The following LDHAL6A variants were observed in gnomAD, a reference collection of about 807,000 sequenced individuals.
The protein encoded by LDHAL6A is L-lactate dehydrogenase A-like 6A.
LDHAL6A carries 19 observed loss-of-function variants against 28.2 expected under a neutral mutation model. That is an observed-to-expected ratio of 0.67 (90% CI 0.47 to 0.99). The LOEUF is 0.99. Among genes scored for constraint, LDHAL6A ranks in the 50% least tolerant of loss-of-function variants. The pLI, the probability that LDHAL6A is intolerant of heterozygous loss-of-function variation, is 0.00. For synonymous variants in LDHAL6A, 144 were observed against 134.4 expected (o/e 1.07, Z -0.49); for missense variants, 372 against 398.6 (o/e 0.93, Z 0.57).
intron 3 of LDHAL6A, among the ~76,000 whole-genome samples, chr11:18,470,351 G>C (rs183210500): frequency 6.6e-6 from 1 of 152,294 alleles, no homozygotes; most frequent in Non-Finnish European, 1.5e-5. Context: ...TGCAGCTCCC[G>C]TGTCTCCACA....
At chr11:18,477,323 G>A (rs1009632484) in intron 5 of LDHAL6A, among the ~76,000 whole-genome samples, 7 of 152,102 alleles carry the variant, frequency 4.6e-5, no homozygotes, top group Admixed American at 3.3e-4. Context: ...GCCACGCATG[G>A]TGGCGCATGC....
intron 1 of LDHAL6A, 23 bp downstream of exon 1, chr11:18,456,829 C>G: frequency 6.2e-7 from 1 of 1,604,550 alleles, no homozygotes; most frequent in East Asian, 2.2e-5. Flanking sequence ...CTCTGCACCA[C>G]AGGGTTCACC....
chr11:18,478,722 A>C lies in LDHAL6A; in HGVS notation c.851A>C (p.Asn284Thr), dbSNP rs1849456546. ...TACTTTCAGGGCCTCTATGGAATAA[A>C]TGAAGACATATTCCTTAGTGTCCCA... is the stretch of plus-strand genomic sequence containing the variant. ...STLSKGLYGI[N>T]EDIFLSVPCI... The change falls in exon 7 of 7, where the codon AAT (asparagine) becomes ACT (threonine). Residue 284 changes from asparagine (N) to threonine (T), a missense_variant. Transcript: ENST00000280706. 1 of 1,608,464 alleles carries C rather than the reference A, an allele frequency of 6.2e-7. No individual in the cohort carries two copies. Among genetic ancestry groups the C allele is most frequent in the South Asian group, 1.1e-5 (1 of 90,148 alleles).
chr11:18,477,080 G>A (rs1849400566), intron 5 of LDHAL6A, among the ~76,000 whole-genome samples: 1 of 151,948 alleles, frequency 6.6e-6, no homozygotes, highest in Admixed American at 6.6e-5. Flanking sequence ...CTGAGCATAT[G>A]GTGGCTTGCT....
Position 18,478,896 on chromosome 11 carries a change from T to C in LDHAL6A, c.*26T>C. On this transcript the variant is annotated 3_prime_UTR_variant, in exon 7 of 7. Coordinates refer to ENST00000280706, the MANE Select transcript of LDHAL6A (RefSeq NM_144972.5). ...AGTTGCTTAAAGCTAATTCTGTAGA[T>C]TGAAGATGAAATAGTAGTTATGGAA... 4 of 1,571,626 alleles carry C rather than the reference T, an allele frequency of 2.5e-6. No homozygotes were observed. Among genetic ancestry groups the C allele is most frequent in the Non-Finnish European group, 3.5e-6 (4 of 1,154,946 alleles).
chr11:18,467,715 G>A (rs1264450438), intron 3 of LDHAL6A, among the ~76,000 whole-genome samples: 1 of 150,666 alleles, frequency 6.6e-6, no homozygotes, highest in African/African-American at 2.4e-5. Context: ...AAAATTAGCT[G>A]GGCATGGTGG....
At chr11:18,463,911 A>G in intron 1 of LDHAL6A, 50 bp from the exon 2 acceptor site, 3 of 1,148,894 alleles carry the variant, frequency 2.6e-6, no homozygotes, top group Non-Finnish European at 3.9e-6. Flanking sequence ...TTCATTCTCC[A>G]GTTAATCAAG....
intron 3 of LDHAL6A, among the ~76,000 whole-genome samples, chr11:18,469,995 ATC>A (rs1212972093): frequency 6.6e-6 from 1 of 152,066 alleles, no homozygotes; most frequent in African/African-American, 2.4e-5. Context: ...GTGATGCAAT[ATC>A]GGCTCACTGC....
At chr11:18,457,132 A>G (rs940946315) in intron 1 of LDHAL6A, among the ~76,000 whole-genome samples, 4 of 152,214 alleles carry the variant, frequency 2.6e-5, no homozygotes, top group Admixed American at 1.3e-4. Context: ...GGCAGAAAAG[A>G]GTATACAAGC....
chr11:18,475,313 C>G lies in LDHAL6A; in HGVS notation c.419-153C>G, dbSNP rs930832239. Reference sequence around the variant, plus strand: ...TCATTACTTCTATTTGGTAGATATTCTTAAGAGTTGGCGTATAGCTGGGGT... The same window carrying G: ...TCATTACTTCTATTTGGTAGATATTGTTAAGAGTTGGCGTATAGCTGGGGT... On this transcript the variant is annotated intron_variant, in intron 3 of 6. Transcript: ENST00000280706. 8.3e-6 allele frequency: 5 copies of G among 603,278 alleles called. No individual in the cohort carries two copies. The African/African-American group carries it at 9.3e-5, about 11-fold the overall frequency. The allele number at this position is 603,278 out of a possible 1,614,324, so 37.4% of individuals were successfully genotyped here.
In LDHAL6A at chr11:18,467,876, CACACATAT is replaced by C. The variant is rs1191877865; in HGVS notation, c.418+2068_418+2075del. On this transcript the variant is annotated intron_variant, in intron 3 of 6. Coordinates refer to ENST00000280706, the MANE Select transcript of LDHAL6A (RefSeq NM_144972.5). ...GTCTCAAAAAAAATATATATATATA[CACACATAT>C]ATATATATATATATATATATATATA... Among the ~76,000 whole-genome samples, 305 of 33,502 alleles carry C rather than the reference CACACATAT, an allele frequency of 9.1e-3. 9 individuals are homozygous for C. The highest frequency in any genetic ancestry group is 0.028 in the South Asian group (25 of 888). The allele number at this position is 33,502 out of a possible 152,430, so 22.0% of individuals were successfully genotyped here.
chr11:18,467,992 C>CATAT (rs372358498), intron 3 of LDHAL6A, among the ~76,000 whole-genome samples: 1 of 50,590 alleles, frequency 2.0e-5, no homozygotes, highest in African/African-American at 1.1e-4. Flanking sequence ...TATATATATG[C>CATAT]ATATATATAC....
chr11:18,464,983 T>G lies in LDHAL6A; in HGVS notation c.245-654T>G, dbSNP rs1250651520. Among the ~76,000 whole-genome samples the G allele has an allele frequency of 2.3e-4, 32 of 137,918 alleles. 2 individuals carry two copies. The highest frequency in any genetic ancestry group is 3.7e-3 in the Middle Eastern group (1 of 272). The allele number at this position is 137,918 out of a possible 152,430, so 90.5% of individuals were successfully genotyped here. The stretch of plus-strand genomic sequence containing the variant: ...GAGGTGAGGTGTTTTTTTTGTTTTT[T>G]TTTGTTTTGTTTTGTTTTGGTTTGT... On this transcript the variant is annotated intron_variant, in intron 2 of 6. Transcript: ENST00000280706.
rs993199001 is a variant in LDHAL6A, at chr11:18,479,560, G to GTAATC, written c.*694_*698dup. ...ATATATATACACACACACACAGAGA[G>GTAATC]TAATCTAAATGTTCCTAACACTAGA... On this transcript the variant is annotated 3_prime_UTR_variant, in exon 7 of 7. Transcript: ENST00000280706. 1 of 151,962 alleles carries GTAATC rather than the reference G, an allele frequency of 6.6e-6. No individual in the cohort carries two copies. Among genetic ancestry groups the GTAATC allele is most frequent in the Non-Finnish European group, 1.5e-5 (1 of 68,004 alleles). 9.4% of individuals were successfully genotyped at this position (151,962 alleles called of 1,614,324 possible).
chr11:18,461,523 A>G (rs1474514090), intron 1 of LDHAL6A, among the ~76,000 whole-genome samples: 1 of 152,202 alleles, frequency 6.6e-6, no homozygotes, highest in Non-Finnish European at 1.5e-5. Flanking sequence ...AAAGATAAAA[A>G]GAATATGTAG....
Position 18,476,379 on chromosome 11 carries a change from C to G in LDHAL6A, c.593-5C>G, listed in dbSNP as rs1411066129. 6.2e-7 allele frequency: 1 copy of G among 1,610,130 alleles called. No homozygotes were observed. The highest frequency in any genetic ancestry group is 8.5e-7 in the Non-Finnish European group (1 of 1,178,686). On this transcript the variant is annotated splice_polypyrimidine_tract_variant and splice_region_variant and intron_variant, in intron 4 of 6. Transcript: ENST00000280706. ...GAAGTGGGATTTTGGGTGTCTCTTT[C>G]TTAGTTCCTGTGTGGAGTGGTGTGA... is the stretch of plus-strand genomic sequence containing the variant.
chr11:18,478,569 A>G, intron 6 of LDHAL6A, 137 bp from the exon 7 acceptor site: 1 of 656,692 alleles, frequency 1.5e-6, no homozygotes, highest in Non-Finnish European at 2.5e-6. Flanking sequence ...CAAAAAAAAA[A>G]GAAAAAAGTT....
In LDHAL6A at chr11:18,473,060, C is replaced by A. The variant is rs578182998; in HGVS notation, c.419-2406C>A. On this transcript the variant is annotated intron_variant, in intron 3 of 6. Coordinates refer to ENST00000280706, the MANE Select transcript of LDHAL6A (RefSeq NM_144972.5). ...TGTCCTACTACACTTAAAAAAAAAA[C>A]CCAACACATTTCCTCACTTACGAGT... 3.2e-3 allele frequency among the ~76,000 whole-genome samples: 489 copies of A among 151,736 alleles called. 1 individual carries two copies. Among genetic ancestry groups the A allele is most frequent in the African/African-American group, 0.011 (470 of 41,374 alleles).
Position 18,456,128 on chromosome 11 carries a change from G to C in LDHAL6A, c.-553G>C, listed in dbSNP as rs547491456. The C allele has an allele frequency of 6.5e-6, 1 of 154,938 alleles. No individual in the cohort carries two copies. Among genetic ancestry groups the C allele is most frequent in the Non-Finnish European group, 1.4e-5 (1 of 70,140 alleles). 9.6% of individuals were successfully genotyped at this position (154,938 alleles called of 1,614,324 possible). On this transcript the variant is annotated 5_prime_UTR_variant, in exon 1 of 7. Transcript: ENST00000280706. The stretch of plus-strand genomic sequence containing the variant: ...AAGAGTCCTGGGGAGCAGCCAGAGA[G>C]CGGGCGCCGCGGGAGCGAATTGTTT...
Sources: allele counts gnomAD v4.1 joint callset (sites outside exome capture counted in the v4.1 genomes callset), GRCh38; gene constraint gnomAD v4.1.1; transcripts MANE v1.5; gene names NCBI Gene and HGNC (gene_info 2026-07-23, HGNC 2026-07-21).